The following DIAPH2 variants were observed in gnomAD, a reference collection of about 807,000 sequenced individuals.
The protein encoded by DIAPH2 is protein diaphanous homolog 2.
Under a neutral mutation model 92.7 loss-of-function variants are expected in DIAPH2, and 35 were observed. That is an observed-to-expected ratio of 0.38 (90% confidence interval 0.29 to 0.50). DIAPH2 has a LOEUF of 0.50. Among genes scored for constraint, DIAPH2 ranks in the 20% least tolerant of loss-of-function variants. DIAPH2 has a pLI of 0.94. For missense variants in DIAPH2, 701 were observed against 819.5 expected, an observed-to-expected ratio of 0.86 and a Z score of 1.77; for synonymous variants, 301 against 280.4, an observed-to-expected ratio of 1.07 and a Z score of -0.73.
At chrX:96,987,332 A>G (rs1304536792) in intron 17 of DIAPH2, among the ~76,000 whole-genome samples, 1 of 111,641 alleles carries the variant, frequency 9.0e-6, no homozygotes, top group Non-Finnish European at 1.9e-5. Context: ...TGTCCTCCTC[A>G]TCTTATTTGC....
intron 3 of DIAPH2, among the ~76,000 whole-genome samples, chrX:96,753,948 T>C (rs913533317): frequency 8.0e-5 from 9 of 111,941 alleles, no homozygotes; most frequent in Non-Finnish European, 1.7e-4. Flanking sequence ...AGTTCACTTC[T>C]AAATCTACAC....
chrX:97,333,137 T>C (rs774558408), intron 23 of DIAPH2, among the ~76,000 whole-genome samples: 17 of 111,897 alleles, frequency 1.5e-4, no homozygotes, highest in South Asian at 1.1e-3. Flanking sequence ...GAATGTCCAC[T>C]GAACCAACAA....
intron 26 of DIAPH2, among the ~76,000 whole-genome samples, chrX:97,502,262 A>ATAT (rs1344752437): frequency 8.9e-6 from 1 of 112,238 alleles, no homozygotes; most frequent in Non-Finnish European, 1.9e-5. Flanking sequence ...AATTATGAGA[A>ATAT]TATTACACAG....
intron 21 of DIAPH2, among the ~76,000 whole-genome samples, chrX:97,129,243 T>C (rs1443110088): frequency 1.9e-5 from 2 of 107,365 alleles, no homozygotes; most frequent in Admixed American, 1.0e-4. Context: ...CTGAGCTCAC[T>C]GCATCCTCTG....
chrX:97,603,974 A>G lies in DIAPH2; in HGVS notation c.*4657A>G, dbSNP rs2071608109. 1 of 112,640 alleles carries G rather than the reference A, an allele frequency of 8.9e-6. No homozygotes were observed. The highest frequency in any genetic ancestry group is 3.7e-4 in the South Asian group (1 of 2,696). The allele number at this position is 112,640 out of a possible 1,213,427, so 9.3% of individuals were successfully genotyped here. On this transcript the variant is annotated 3_prime_UTR_variant, in exon 27 of 27. Transcript: ENST00000324765. ...AATCCGTCCCAGTTCCACAATCTGC[A>G]TTAGATTCCCATGGCTGCTGTAACA... is the stretch of plus-strand genomic sequence containing the variant.
chrX:96,819,074 C>T (rs539635538), intron 4 of DIAPH2, among the ~76,000 whole-genome samples: 3 of 112,252 alleles, frequency 2.7e-5, no homozygotes, highest in Non-Finnish European at 3.8e-5. Flanking sequence ...GAGTAATGCT[C>T]ATTGGCCCGC....
At chrX:97,242,850 G>T (rs1009512616) in intron 22 of DIAPH2, among the ~76,000 whole-genome samples, 5 of 109,635 alleles carry the variant, frequency 4.6e-5, no homozygotes, top group Middle Eastern at 4.6e-3. Flanking sequence ...GCAGTGGTGG[G>T]ATCTCAGCTC....
chrX:96,945,886 C>T (rs905998384), intron 14 of DIAPH2, among the ~76,000 whole-genome samples: 1 of 111,756 alleles, frequency 8.9e-6, no homozygotes, highest in Non-Finnish European at 1.9e-5. Context: ...AAGCAATCAA[C>T]CAAAATAAAT....
chrX:96,764,137 G>C lies in DIAPH2; in HGVS notation c.447+5879G>C, dbSNP rs1441900763. On this transcript the variant is annotated intron_variant, in intron 4 of 26. Coordinates refer to ENST00000324765, the MANE Select transcript of DIAPH2 (RefSeq NM_006729.5). The stretch of plus-strand genomic sequence containing the variant: ...ATGAGATAGGACCTAGTTGATATGT[G>C]TTGAAATAATCAAACCTTAAATTAT... 4.5e-5 allele frequency among the ~76,000 whole-genome samples: 5 copies of C among 111,244 alleles called. No individual in the cohort carries two copies. In the Admixed American group the frequency reaches 4.8e-4, roughly 11 times the overall value.
At chrX:96,849,808 A>G (rs908334171) in intron 4 of DIAPH2, among the ~76,000 whole-genome samples, 2 of 112,065 alleles carry the variant, frequency 1.8e-5, no homozygotes, top group Non-Finnish European at 3.8e-5. Flanking sequence ...TAATGAACCA[A>G]TACTACTTCT....
At chrX:96,904,463 A>G (rs2065419542) in intron 5 of DIAPH2, among the ~76,000 whole-genome samples, 1 of 112,043 alleles carries the variant, frequency 8.9e-6, no homozygotes, top group Admixed American at 9.5e-5. Flanking sequence ...ATATGTTTTT[A>G]TGGATCTAAG....
chrX:96,701,243 C>G (rs916942001), intron 1 of DIAPH2, among the ~76,000 whole-genome samples: 1 of 111,528 alleles, frequency 9.0e-6, no homozygotes, highest in African/African-American at 3.3e-5. Flanking sequence ...CACATCAAAT[C>G]TTTGTTATGT....
At chrX:96,726,605 G>A (rs767047766) in intron 1 of DIAPH2, among the ~76,000 whole-genome samples, 1 of 111,935 alleles carries the variant, frequency 8.9e-6, no homozygotes, top group East Asian at 2.8e-4. Context: ...AAGAGCTGGA[G>A]CTCTAACCAG....
intron 23 of DIAPH2, among the ~76,000 whole-genome samples, chrX:97,249,419 A>G (rs1478074629): frequency 8.9e-6 from 1 of 112,199 alleles, no homozygotes; most frequent in Non-Finnish European, 1.9e-5. Context: ...GTGGCACTAA[A>G]GTGTGACTAT....
chrX:97,216,172 C>G (rs2067882101), intron 22 of DIAPH2, among the ~76,000 whole-genome samples: 1 of 111,855 alleles, frequency 8.9e-6, no homozygotes, highest in South Asian at 3.7e-4. Flanking sequence ...GCCTTTGAGG[C>G]CTCAATTAAT....
intron 25 of DIAPH2, among the ~76,000 whole-genome samples, chrX:97,393,050 A>C (rs1408293023): frequency 9.0e-6 from 1 of 110,950 alleles, no homozygotes; most frequent in Admixed American, 9.7e-5. Context: ...TAGGAGAGCT[A>C]AGGTCATTAT....
chrX:97,537,986 G>A (rs781306902), intron 26 of DIAPH2, among the ~76,000 whole-genome samples: 132 of 106,522 alleles, frequency 1.2e-3, no homozygotes, highest in African/African-American at 4.2e-3. Flanking sequence ...CCGGGTTCAC[G>A]CCATTCTCCT....
intron 22 of DIAPH2, among the ~76,000 whole-genome samples, chrX:97,171,918 C>T (rs1351238221): frequency 9.4e-6 from 1 of 106,318 alleles, no homozygotes; most frequent in Non-Finnish European, 1.9e-5. Context: ...CCAGCCCGGG[C>T]AACAGAGCAA....
chrX:97,366,763 A>G (rs985300637), intron 24 of DIAPH2, among the ~76,000 whole-genome samples: 1 of 112,027 alleles, frequency 8.9e-6, no homozygotes, highest in African/African-American at 3.2e-5. Context: ...GAAAATTCCA[A>G]CTTCTCTTTT....
Sources: gnomAD v4.1 joint callset for allele counts (sites outside exome capture counted in the v4.1 genomes callset) on GRCh38, gnomAD v4.1.1 for gene constraint, MANE v1.5 for transcripts, NCBI Gene and HGNC (gene_info 2026-07-23, HGNC 2026-07-21) for gene names.